Variants in MDGA2 observed in about 807,000 individuals in gnomAD.
MDGA2 encodes the protein MAM domain-containing glycosylphosphatidylinositol anchor protein 2.
Under a neutral mutation model 117.8 loss-of-function variants are expected in MDGA2, and 40 were observed. The ratio of observed to expected loss-of-function variants is 0.34; its 90% CI spans 0.26 to 0.44. The LOEUF is 0.44. MDGA2 is among the 20% of genes least tolerant of loss of function. The pLI is 1.00. For synonymous variants in MDGA2, 452 were observed against 439.0 expected (o/e 1.03, Z -0.37); for missense variants, 1,123 against 1,250.6 (o/e 0.90, Z 1.54).
intron 6 of MDGA2, among the ~76,000 whole-genome samples, chr14:47,090,956 G>C (rs891273303): frequency 2.0e-5 from 3 of 152,100 alleles, no homozygotes; most frequent in Admixed American, 6.6e-5. Context: ...GGGATACCCT[G>C]AATTTTTTAG....
chr14:47,611,048 T>C (rs1221077109), intron 1 of MDGA2, among the ~76,000 whole-genome samples: 1 of 151,694 alleles, frequency 6.6e-6, no homozygotes, highest in Non-Finnish European at 1.5e-5. Flanking sequence ...AACCCAGAAG[T>C]AAACCCAAAT....
chr14:47,082,409 G>A (rs1043242889), intron 6 of MDGA2, among the ~76,000 whole-genome samples: 2 of 151,684 alleles, frequency 1.3e-5, no homozygotes, highest in South Asian at 2.1e-4. Flanking sequence ...GTATACAGCT[G>A]TAGGCTGAAA....
chr14:47,109,208 A>G (rs1880903414), intron 5 of MDGA2, among the ~76,000 whole-genome samples: 1 of 152,236 alleles, frequency 6.6e-6, no homozygotes, highest in South Asian at 2.1e-4. Flanking sequence ...GCACAGTACT[A>G]GACTGTAAAG....
At chr14:47,586,863 C>G (rs1207458539) in intron 1 of MDGA2, among the ~76,000 whole-genome samples, 1 of 113,294 alleles carries the variant, frequency 8.8e-6, no homozygotes, top group African/African-American at 3.2e-5. Flanking sequence ...TCCAAGCACT[C>G]TTTCATCATG....
At chr14:47,456,847 T>C (rs996133733) in intron 1 of MDGA2, among the ~76,000 whole-genome samples, 2 of 152,194 alleles carry the variant, frequency 1.3e-5, no homozygotes, top group Non-Finnish European at 2.9e-5. Flanking sequence ...TGGTTACAAG[T>C]AGCACTAGGT....
chr14:47,518,545 G>A (rs1012156483), intron 1 of MDGA2, among the ~76,000 whole-genome samples: 8 of 152,056 alleles, frequency 5.3e-5, no homozygotes, highest in African/African-American at 1.9e-4. Context: ...CTCATAATTT[G>A]CAACAATATG....
intron 6 of MDGA2, among the ~76,000 whole-genome samples, chr14:47,064,895 T>C (rs1890025197): frequency 6.6e-6 from 1 of 152,124 alleles, no homozygotes; most frequent in African/African-American, 2.4e-5. Flanking sequence ...AAAATCAATC[T>C]GTAATTAGTA....
At chr14:47,012,663 CTGA>C (rs1216254802) in intron 8 of MDGA2, among the ~76,000 whole-genome samples, 2 of 152,028 alleles carry the variant, frequency 1.3e-5, no homozygotes, top group African/African-American at 2.4e-5. Context: ...TTCATTGTTA[CTGA>C]TGTTATGTTT....
At chr14:47,173,831 T>A (rs1245131734) in intron 3 of MDGA2, among the ~76,000 whole-genome samples, 2 of 151,996 alleles carry the variant, frequency 1.3e-5, no homozygotes, top group Non-Finnish European at 2.9e-5. Flanking sequence ...GACTAAATGC[T>A]CCAATTAAAA....
chr14:47,529,795 A>G (rs772544968), intron 1 of MDGA2, among the ~76,000 whole-genome samples: 2 of 152,192 alleles, frequency 1.3e-5, no homozygotes, highest in Non-Finnish European at 2.9e-5. Context: ...TATGCATGTC[A>G]CAGTTAGAAA....
intron 1 of MDGA2, among the ~76,000 whole-genome samples, chr14:47,461,269 ATGTGTG>A (rs55889646): frequency 3.5e-5 from 5 of 142,834 alleles, no homozygotes; most frequent in African/African-American, 1.3e-4. Context: ...AAAAAAATGT[ATGTGTG>A]TGTGTGTGTG....
chr14:47,651,318 G>A (rs1016547533), intron 1 of MDGA2, among the ~76,000 whole-genome samples: 1 of 151,592 alleles, frequency 6.6e-6, no homozygotes, highest in East Asian at 1.9e-4. Flanking sequence ...CCAATACAGG[G>A]CAGACATTTT....
intron 3 of MDGA2, chr14:47,201,020 G>T (rs1431474821): frequency 3.9e-6 from 4 of 1,035,178 alleles, no homozygotes; most frequent in Non-Finnish European, 6.1e-6. Context: ...TTCCTGCCCA[G>T]CAGTACCTGT....
intron 1 of MDGA2, among the ~76,000 whole-genome samples, chr14:47,602,831 G>T (rs535080348): frequency 6.2e-4 from 95 of 152,272 alleles, no homozygotes; most frequent in African/African-American, 2.2e-3. Context: ...TAGAGAAATG[G>T]CTCCACAGTG....
intron 2 of MDGA2, among the ~76,000 whole-genome samples, chr14:47,284,721 T>A (rs1888612817): frequency 6.6e-6 from 1 of 152,090 alleles, no homozygotes; most frequent in Non-Finnish European, 1.5e-5. Flanking sequence ...ATTTATGAAC[T>A]TGTAAAATGA....
intron 14 of MDGA2, among the ~76,000 whole-genome samples, chr14:46,866,655 T>C (rs1881774888): frequency 6.6e-6 from 1 of 151,016 alleles, no homozygotes; most frequent in Non-Finnish European, 1.5e-5. Flanking sequence ...GACAAAGGGC[T>C]AATATCCAGA....
intron 1 of MDGA2, among the ~76,000 whole-genome samples, chr14:47,531,618 T>C (rs553828009): frequency 4.0e-5 from 6 of 151,508 alleles, no homozygotes; most frequent in Admixed American, 6.5e-5. Context: ...TCTAGGAGCA[T>C]AGCATGTTCA....
At chr14:47,159,984 T>C (rs1883563372) in intron 3 of MDGA2, among the ~76,000 whole-genome samples, 1 of 152,202 alleles carries the variant, frequency 6.6e-6, no homozygotes, top group Non-Finnish European at 1.5e-5. Context: ...AAAGTATGGC[T>C]AGTTTTCCCC....
intron 3 of MDGA2, among the ~76,000 whole-genome samples, chr14:47,176,770 G>C (rs1182941063): frequency 6.6e-6 from 1 of 152,110 alleles, no homozygotes; most frequent in African/African-American, 2.4e-5. Context: ...AACACCAAAA[G>C]CAATGGCAAC....
Sources: gnomAD v4.1 joint callset for allele counts (sites outside exome capture counted in the v4.1 genomes callset) on GRCh38, gnomAD v4.1.1 for gene constraint, MANE v1.5 for transcripts, NCBI Gene and HGNC (gene_info 2026-07-23, HGNC 2026-07-21) for gene names.